MRPL34: variants seen among roughly 807,000 people sequenced by gnomAD.
The protein encoded by MRPL34 is large ribosomal subunit protein bL34m.
Under a neutral mutation model 6.7 loss-of-function variants are expected in MRPL34, and 8 were observed. The observed-to-expected ratio is 1.20, with a 90% CI of 0.70 to 2.16. MRPL34 has a LOEUF of 2.16. MRPL34 is among the 30% of genes most tolerant of loss of function. MRPL34 has a pLI of 0.00. For synonymous variants in MRPL34, 59 were observed against 55.1 expected (o/e 1.07, Z -0.31); for missense variants, 146 against 125.5 (o/e 1.16, Z -0.78).
upstream of MRPL34, among the ~76,000 whole-genome samples, chr19:17,300,192 C>A (rs557436058): frequency 3.3e-5 from 5 of 152,028 alleles, no homozygotes; most frequent in Non-Finnish European, 7.4e-5. Flanking sequence ...GCGTGAGCCA[C>A]CGCGCCCGGA....
chr19:17,306,396 G>C lies in MRPL34; in HGVS notation c.*17G>C. Reference sequence around the variant, plus strand: ...AGCCATTGAGGATCGCGACGCAGTCGGCGGGACCCTCATGGAAGCATCGCC... The same window carrying C: ...AGCCATTGAGGATCGCGACGCAGTCCGCGGGACCCTCATGGAAGCATCGCC... On this transcript the variant is annotated 3_prime_UTR_variant, in exon 2 of 2. Transcript: ENST00000252602. The C allele has an allele frequency of 6.5e-7, 1 of 1,549,518 alleles. No homozygotes were observed. Among genetic ancestry groups the C allele is most frequent in the Non-Finnish European group, 8.7e-7 (1 of 1,149,600 alleles).
At chr19:17,293,098 C>CTTT (rs71334701) in intron 1 of MRPL34, among the ~76,000 whole-genome samples, 3,871 of 135,946 alleles carry the variant, frequency 0.028, 194 homozygotes, top group African/African-American at 0.1. Context: ...TCTTTTCTTT[C>CTTT]TTTTTTTTTT....
In MRPL34 at chr19:17,306,220, C is replaced by A; in HGVS notation, c.120C>A (p.Thr40=). The A allele has an allele frequency of 6.4e-7, 1 of 1,564,170 alleles. No homozygotes were observed. The highest frequency in any genetic ancestry group is 1.2e-5 in the South Asian group (1 of 86,182). ...LGFPDAWGLP[T]PQQARGKARG... Reference sequence around the variant, plus strand: ...TCCCAGACGCCTGGGGCCTCCCCACCCCGCAGCAGGCCCGGGGCAAGGCTC... The same window carrying A: ...TCCCAGACGCCTGGGGCCTCCCCACACCGCAGCAGGCCCGGGGCAAGGCTC... The change falls in exon 2 of 2, where the codon ACC becomes ACA. Residue 40 remains threonine (T), a synonymous_variant. Transcript: ENST00000252602.
upstream of MRPL34, among the ~76,000 whole-genome samples, chr19:17,304,097 G>A (rs150264284): frequency 2.4e-3 from 367 of 152,312 alleles, 2 homozygotes; most frequent in African/African-American, 8.1e-3. Flanking sequence ...CATCGTGACG[G>A]GCTTCTCTAA....
At chr19:17,298,735 CTTTTT>C (rs34731394), upstream of MRPL34, among the ~76,000 whole-genome samples, 3 of 70,420 alleles carry the variant, frequency 4.3e-5, no homozygotes, top group Admixed American at 2.1e-4. Flanking sequence ...AACAACACTG[CTTTTT>C]TTTTTTTTTT....
intron 1 of MRPL34, chr19:17,294,438 C>CA (rs774142596): frequency 6.2e-7 from 1 of 1,614,146 alleles, no homozygotes; most frequent in South Asian, 1.1e-5. Flanking sequence ...CGAAGGATGA[C>CA]ACGTTGAAAG....
At position 17,306,436 on chromosome 19, in the gene MRPL34, T is replaced by A; in HGVS notation, c.*57T>A. The A allele has an allele frequency of 6.9e-7, 1 of 1,451,160 alleles. No individual in the cohort carries two copies. The allele number at this position is 1,451,160 out of a possible 1,614,324, so 89.9% of individuals were successfully genotyped here. A position where few individuals can be genotyped will look rare whatever the true frequency, so the allele number is the denominator to read the frequency against. ...GAAGCATCGCCCTCGCCTCGGACCT[T>A]GCCTGGCGCTATTTTTGCAGGGAGC... On this transcript the variant is annotated 3_prime_UTR_variant, in exon 2 of 2. Coordinates refer to ENST00000252602, the MANE Select transcript of MRPL34 (RefSeq NM_023937.4).
upstream of MRPL34, among the ~76,000 whole-genome samples, chr19:17,299,894 G>A (rs189336520): frequency 2.6e-4 from 38 of 144,896 alleles, no homozygotes; most frequent in Non-Finnish European, 4.9e-4. Context: ...ACCACCGCGC[G>A]TGGTGGCCCC....
intron 1 of MRPL34, among the ~76,000 whole-genome samples, chr19:17,295,836 T>A (rs1317244650): frequency 2.0e-5 from 3 of 152,142 alleles, no homozygotes; most frequent in Non-Finnish European, 4.4e-5. Flanking sequence ...GCCTTCTGAA[T>A]AGCTGGGACT....
At chr19:17,306,025 T>C in intron 1 of MRPL34, 68 bp downstream of exon 1, 3 of 1,588,326 alleles carry the variant, frequency 1.9e-6, no homozygotes, top group Non-Finnish European at 2.6e-6. Flanking sequence ...GGCGCCACTC[T>C]TCACTGCCCG....
chr19:17,300,697 C>T (rs955419695), upstream of MRPL34, among the ~76,000 whole-genome samples: 3 of 152,156 alleles, frequency 2.0e-5, no homozygotes, highest in Non-Finnish European at 4.4e-5. Context: ...AGACTGTTCC[C>T]GAACTCCCAA....
chr19:17,295,002 C>A (rs2074087452), intron 1 of MRPL34, among the ~76,000 whole-genome samples: 1 of 152,046 alleles, frequency 6.6e-6, no homozygotes, highest in Admixed American at 6.6e-5. Context: ...TGGCTCACTG[C>A]AACCTCTGCC....
chr19:17,306,045 C>A, intron 1 of MRPL34, 88 bp downstream of exon 1: 1 of 1,555,086 alleles, frequency 6.4e-7, no homozygotes, highest in Non-Finnish European at 8.8e-7. Flanking sequence ...GCGTGACCTG[C>A]CAGTGCCTTG....
exon 1 of MRPL34, chr19:17,292,628 T>C: frequency 6.3e-7 from 1 of 1,584,782 alleles, no homozygotes; most frequent in Non-Finnish European, 8.6e-7. Context: ...GCTGCGGCTG[T>C]GCTCACCAAG....
intron 1 of MRPL34, among the ~76,000 whole-genome samples, chr19:17,293,953 C>G (rs576823931): frequency 2.9e-4 from 44 of 152,188 alleles, no homozygotes; most frequent in South Asian, 2.1e-4. Flanking sequence ...CCCCTGGTGC[C>G]GGTCTTCTAG....
At chr19:17,301,360 C>T (rs755423619), upstream of MRPL34, 14 of 1,610,174 alleles carry the variant, frequency 8.7e-6, no homozygotes, top group Non-Finnish European at 1.1e-5. Flanking sequence ...CCGCCCATTG[C>T]GGTACACGGT....
upstream of MRPL34, chr19:17,301,456 G>T (rs1449332719): frequency 1.2e-6 from 2 of 1,611,476 alleles, no homozygotes; most frequent in Admixed American, 3.3e-5. Context: ...TGGGGCAGCG[G>T]CTGGGGCGGG....
At chr19:17,294,616 G>C (rs2074085455) in intron 1 of MRPL34, 1 of 1,607,058 alleles carries the variant, frequency 6.2e-7, no homozygotes, top group Admixed American at 1.7e-5. Flanking sequence ...CATCCAACTC[G>C]AGCAGATGCC....
chr19:17,294,405 G>C (rs1350804803), intron 1 of MRPL34: 1 of 1,614,082 alleles, frequency 6.2e-7, no homozygotes, highest in Admixed American at 1.7e-5. Flanking sequence ...GCCAGTACTG[G>C]CCGCTCATCA....
Sources: allele counts gnomAD v4.1 joint callset (sites outside exome capture counted in the v4.1 genomes callset), GRCh38; gene constraint gnomAD v4.1.1; transcripts MANE v1.5; gene names NCBI Gene and HGNC (gene_info 2026-07-23, HGNC 2026-07-21).